The following EPHA2 variants were observed in gnomAD, a reference collection of about 807,000 sequenced individuals.
EPHA2 encodes EPH receptor A2.
A neutral mutation model predicts 104.9 loss-of-function variants in EPHA2; 54 were observed. The ratio of observed to expected loss-of-function variants is 0.51; its 90% CI spans 0.41 to 0.65. The LOEUF (loss-of-function observed/expected upper bound fraction) is 0.65. EPHA2 is among the 30% of genes least tolerant of loss of function. The probability of loss-of-function intolerance (pLI) is 0.00; values close to 1 mark genes in which losing one functional copy is unlikely to be tolerated. For synonymous variants in EPHA2, 560 were observed against 559.1 expected (o/e 1.00, Z -0.02); for missense variants, 1,117 against 1,369.5 (o/e 0.82, Z 2.91).
In EPHA2 at chr1:16,130,468, C is replaced by T. The variant is rs1043813828; in HGVS notation, c.2476-49G>A. On this transcript the variant is annotated intron_variant, in intron 14 of 16. Transcript: ENST00000358432. This position sits in a 1 kb window ranked among gnomAD's most constrained non-coding sequence, Gnocchi z 4.5. ...GCGCTGTTGCAGAAAGCCACTGAAA[C>T]CCTCTGCAGCCTCCAGCCTATGGAG... 2 of 1,504,462 alleles carry T rather than the reference C, an allele frequency of 1.3e-6. No individual in the cohort carries two copies. Among genetic ancestry groups the T allele is most frequent in the African/African-American group, 2.8e-5 (2 of 71,722 alleles). 93.2% of individuals were successfully genotyped at this position (1,504,462 alleles called of 1,614,324 possible).
At position 16,124,367 on chromosome 1, in the gene EPHA2, G is replaced by C. The variant is rs1570388965; in HGVS notation, c.*848C>G. 1 of 152,526 alleles carries C rather than the reference G, an allele frequency of 6.6e-6. No individual in the cohort carries two copies. The highest frequency in any genetic ancestry group is 1.5e-5 in the Non-Finnish European group (1 of 68,036). 9.4% of individuals were successfully genotyped at this position (152,526 alleles called of 1,614,324 possible). On this transcript the variant is annotated 3_prime_UTR_variant, in exon 17 of 17. Coordinates refer to ENST00000358432, the MANE Select transcript of EPHA2 (RefSeq NM_004431.5). ...TTGAATCATCTGCAACTTTATTCCA[G>C]AGCAGAAATAAGTCATTTTCTAACA...
At chr1:16,143,534 T>C (rs1284365049) in intron 3 of EPHA2, among the ~76,000 whole-genome samples, 1 of 152,084 alleles carries the variant, frequency 6.6e-6, no homozygotes, top group Non-Finnish European at 1.5e-5. Flanking sequence ...CCTCCGGCTA[T>C]ACCCTGGTTT....
Position 16,125,128 on chromosome 1 carries a change from C to G in EPHA2, c.*87G>C. Reference sequence around the variant, plus strand: ...GGAAAGAACTAGAAATAAATAAAGTCCCCAGTGGCCCAGCATGGCACAGCA... The same window carrying G: ...GGAAAGAACTAGAAATAAATAAAGTGCCCAGTGGCCCAGCATGGCACAGCA... On this transcript the variant is annotated 3_prime_UTR_variant, in exon 17 of 17. Coordinates refer to ENST00000358432, the MANE Select transcript of EPHA2 (RefSeq NM_004431.5). The surrounding 1 kb of genome is among the most constrained non-coding windows in gnomAD (Gnocchi z 4.9). The G allele has an allele frequency of 8.2e-7, 1 of 1,220,812 alleles. No individual in the cohort carries two copies. Among genetic ancestry groups the G allele is most frequent in the Non-Finnish European group, 1.2e-6 (1 of 841,550 alleles). The allele number at this position is 1,220,812 out of a possible 1,614,324, so 75.6% of individuals were successfully genotyped here. A position where few individuals can be genotyped will look rare whatever the true frequency, so the allele number is the denominator to read the frequency against.
chr1:16,124,455 A>T lies in EPHA2; in HGVS notation c.*760T>A, dbSNP rs534862493. 2.0e-5 allele frequency: 3 copies of T among 152,724 alleles called. No homozygotes were observed. The East Asian group carries it at 5.8e-4, about 29-fold the overall frequency. The allele number at this position is 152,724 out of a possible 1,614,324, so 9.5% of individuals were successfully genotyped here. A position where few individuals can be genotyped will look rare whatever the true frequency, so the allele number is the denominator to read the frequency against. ...AAATGTCCAACAAAACAAAATCTTT[A>T]ACACTGACAGAATAGAAACTTATCC... On this transcript the variant is annotated 3_prime_UTR_variant, in exon 17 of 17. Coordinates refer to ENST00000358432, the MANE Select transcript of EPHA2 (RefSeq NM_004431.5).
chr1:16,153,955 A>T (rs1253950386), intron 1 of EPHA2, among the ~76,000 whole-genome samples: 2 of 151,912 alleles, frequency 1.3e-5, no homozygotes, highest in African/African-American at 4.8e-5. Flanking sequence ...GGGGACTCAG[A>T]GTCGAAGCAA....
intron 16 of EPHA2, among the ~76,000 whole-genome samples, chr1:16,126,894 C>T (rs2024480805): frequency 6.6e-6 from 1 of 152,190 alleles, no homozygotes; most frequent in Non-Finnish European, 1.5e-5. Context: ...CGCCCCCACC[C>T]CTGCCCAGGG....
Position 16,149,913 on chromosome 1 carries a change from A to G in EPHA2, c.154-866T>C, listed in dbSNP as rs560111899. On this transcript the variant is annotated intron_variant, in intron 2 of 16. Transcript: ENST00000358432. ...GTTTGTTGAATGAATAAACAAAAGA[A>G]TGAATGAAAGCACAGGGGAGGAGGA... is the stretch of plus-strand genomic sequence containing the variant. Among the ~76,000 whole-genome samples, 20 of 152,302 alleles carry G rather than the reference A, an allele frequency of 1.3e-4. No individual in the cohort carries two copies. The South Asian group carries it at 4.1e-3, about 32-fold the overall frequency.
At position 16,156,019 on chromosome 1, in the gene EPHA2, C is replaced by A. The variant is rs908166184; in HGVS notation, c.-87G>T. The A allele has an allele frequency of 1.6e-5, 19 of 1,202,982 alleles. No individual in the cohort carries two copies. Among genetic ancestry groups the A allele is most frequent in the Non-Finnish European group, 2.0e-5 (18 of 912,316 alleles). The allele number at this position is 1,202,982 out of a possible 1,614,324, so 74.5% of individuals were successfully genotyped here. A position where few individuals can be genotyped will look rare whatever the true frequency, so the allele number is the denominator to read the frequency against. On this transcript the variant is annotated 5_prime_UTR_variant, in exon 1 of 17. Coordinates refer to ENST00000358432, the MANE Select transcript of EPHA2 (RefSeq NM_004431.5). ...GCACGCCGGCCTCGGTGTCCGCTCCCGCCCGCCGGCCTGCGCGCAACTTCT... is the reference window on the plus strand; with the variant it reads ...GCACGCCGGCCTCGGTGTCCGCTCCAGCCCGCCGGCCTGCGCGCAACTTCT...
chr1:16,143,311 C>T (rs942408048), intron 3 of EPHA2, among the ~76,000 whole-genome samples: 1 of 151,892 alleles, frequency 6.6e-6, no homozygotes, highest in East Asian at 1.9e-4. Flanking sequence ...CTACCATGTG[C>T]ATGTGAAATA....
At chr1:16,129,761 T>C (rs1385838306) in intron 15 of EPHA2, among the ~76,000 whole-genome samples, 172 bp from the exon 16 acceptor site, 3 of 152,118 alleles carry the variant, frequency 2.0e-5, no homozygotes, top group Non-Finnish European at 4.4e-5. Context: ...TCCTGGCACG[T>C]TGGGAGCGCT....
chr1:16,141,157 G>C (rs569858705), intron 3 of EPHA2, among the ~76,000 whole-genome samples: 2 of 152,320 alleles, frequency 1.3e-5, no homozygotes, highest in African/African-American at 2.4e-5. Flanking sequence ...AACTCCTGAC[G>C]AATTTCAGAG....
Position 16,130,847 on chromosome 1 carries a change from C to T in EPHA2, c.2476-428G>A, listed in dbSNP as rs1253265529. Among the ~76,000 whole-genome samples the T allele has an allele frequency of 6.6e-6, 1 of 152,090 alleles. No homozygotes were observed. The highest frequency in any genetic ancestry group is 6.6e-5 in the Admixed American group (1 of 15,260). On this transcript the variant is annotated intron_variant, in intron 14 of 16. Transcript: ENST00000358432. The surrounding 1 kb of genome is among the most constrained non-coding windows in gnomAD (Gnocchi z 4.5). ...GTTTCGTCATGTTGTCCAGGCTGGT[C>T]TCGAACTCCTGAGCTCAAGCGATAC...
chr1:16,147,562 G>T (rs145992394), intron 3 of EPHA2, among the ~76,000 whole-genome samples: 1 of 151,918 alleles, frequency 6.6e-6, no homozygotes, highest in Non-Finnish European at 1.5e-5. Context: ...CCACAGTGCC[G>T]CTGTACCAGA....
At chr1:16,138,783 C>T (rs913577813) in intron 3 of EPHA2, among the ~76,000 whole-genome samples, 1 of 152,212 alleles carries the variant, frequency 6.6e-6, no homozygotes, top group Non-Finnish European at 1.5e-5. Flanking sequence ...TGACCAAGCA[C>T]GCTGCCCACC....
rs768147585 is a variant in EPHA2 at position 16,132,076 on chromosome 1, G to T, written c.2313C>A (p.Thr771=). 47 of 1,614,022 alleles carry T rather than the reference G, an allele frequency of 2.9e-5. No individual in the cohort carries two copies. The South Asian group carries it at 4.0e-4, about 14-fold the overall frequency. The change falls in exon 13 of 17, where the codon ACC becomes ACA. Residue 771 remains threonine (T), a synonymous_variant. Coordinates refer to ENST00000358432, the MANE Select transcript of EPHA2 (RefSeq NM_004431.5). ...TTCCCCAACTTACACTGGTGGTGTA[G>T]GTGGCCTCGGGGTCGTCCTCCAGCA... ...SRVLEDDPEA[T]YTTSGGKIPI...
In EPHA2 at chr1:16,155,911, C is replaced by T. The variant is rs1352624838; in HGVS notation, c.22G>A (p.Ala8Thr). The T allele has an allele frequency of 3.4e-6, 5 of 1,488,768 alleles. No homozygotes were observed. The Admixed American group carries it at 8.9e-5, about 27-fold the overall frequency. 92.2% of individuals were successfully genotyped at this position (1,488,768 alleles called of 1,614,324 possible). ...CAGCCCCACAGCAGGGCGAAGCAGG[C>T]GCGGGCTGCCTGGAGCTCCATGCCG... MELQAAR[A>T]CFALLWGCAL... Residue 8 changes from alanine (A) to threonine (T), a missense_variant, in exon 1 of 17, where the codon GCC becomes ACC. Ala to Thr is a moderately conservative substitution (Grantham distance 58). Around this residue, in one of 3 missense-constraint regions of EPHA2, gnomAD observed 664 missense variants for 784.8 expected, o/e 0.85. Coordinates refer to ENST00000358432, the MANE Select transcript of EPHA2 (RefSeq NM_004431.5).
At position 16,131,588 on chromosome 1, in the gene EPHA2, A is replaced by G. The variant is rs147610760; in HGVS notation, c.2475+133T>C. 7 of 1,351,888 alleles carry G rather than the reference A, an allele frequency of 5.2e-6. No homozygotes were observed. Among genetic ancestry groups the G allele is most frequent in the Non-Finnish European group, 6.0e-6 (6 of 998,014 alleles). The allele number at this position is 1,351,888 out of a possible 1,614,324, so 83.7% of individuals were successfully genotyped here. On this transcript the variant is annotated intron_variant, in intron 14 of 16. Coordinates refer to ENST00000358432, the MANE Select transcript of EPHA2 (RefSeq NM_004431.5). The surrounding 1 kb of genome is among the most constrained non-coding windows in gnomAD (Gnocchi z 5.2). ...AGAGCAAAACTCCGTCTCCAAAAAA[A>G]AAAAATAAACATTTATGGAGCAAGC...
Position 16,156,015 on chromosome 1 carries a change from C to T in EPHA2, c.-83G>A. The T allele has an allele frequency of 8.1e-7, 1 of 1,235,994 alleles. No individual in the cohort carries two copies. The highest frequency in any genetic ancestry group is 1.1e-6 in the Non-Finnish European group (1 of 940,992). The allele number at this position is 1,235,994 out of a possible 1,614,324, so 76.6% of individuals were successfully genotyped here. On this transcript the variant is annotated 5_prime_UTR_variant, in exon 1 of 17. Transcript: ENST00000358432. The stretch of plus-strand genomic sequence containing the variant: ...GCCTGCACGCCGGCCTCGGTGTCCG[C>T]TCCCGCCCGCCGGCCTGCGCGCAAC...
rs1570395592 is a variant in EPHA2, at chr1:16,129,509, T to G, written c.2750A>C (p.Lys917Thr). The G allele has an allele frequency of 6.2e-7, 1 of 1,613,806 alleles. No homozygotes were observed. Among genetic ancestry groups the G allele is most frequent in the Non-Finnish European group, 8.5e-7 (1 of 1,180,008 alleles). ...GAAGTGCTCCGTATACTGCTGCATCTTGATGGACTCCAGCCACTCGGACAC... is the reference window on the plus strand; with the variant it reads ...GAAGTGCTCCGTATACTGCTGCATCGTGATGGACTCCAGCCACTCGGACAC... The part of the protein sequence containing the change: ...RTVSEWLESI[K>T]MQQYTEHFMA... The change falls in exon 16 of 17, where the codon AAG becomes ACG. Residue 917 changes from lysine (K) to threonine (T), a missense_variant. Lys to Thr is a moderately conservative substitution (Grantham distance 78). This residue lies in a region of EPHA2 where 340 missense variants were observed against 480.5 expected (regional missense o/e 0.71). Coordinates refer to ENST00000358432, the MANE Select transcript of EPHA2 (RefSeq NM_004431.5).
Sources: allele counts gnomAD v4.1 joint callset (sites outside exome capture counted in the v4.1 genomes callset), GRCh38; gene constraint gnomAD v4.1.1; regional missense constraint gnomAD v4.1.1; non-coding constraint Gnocchi (gnomAD v3.1); transcripts MANE v1.5; gene names NCBI Gene and HGNC (gene_info 2026-07-23, HGNC 2026-07-21).